Variants in TOM1L2 observed in about 807,000 individuals in gnomAD.
The protein encoded by TOM1L2 is TOM1-like protein 2.
A neutral mutation model predicts 67.9 loss-of-function variants in TOM1L2; 31 were observed. The observed-to-expected ratio is 0.46, with a 90% CI of 0.34 to 0.62. TOM1L2 has a LOEUF of 0.62. Ranked by LOEUF, TOM1L2 falls within the 20% of genes least tolerant of loss-of-function variation. The probability of loss-of-function intolerance (pLI) is 0.01; values close to 1 mark genes in which losing one functional copy is unlikely to be tolerated. For missense variants in TOM1L2, 606 were observed against 663.5 expected (o/e 0.91, Z 0.95); for synonymous variants, 256 against 254.0 (o/e 1.01, Z -0.07).
intron 1 of TOM1L2, among the ~76,000 whole-genome samples, chr17:17,914,045 T>C (rs910705499): frequency 3.3e-5 from 5 of 152,354 alleles, no homozygotes; most frequent in Middle Eastern, 3.4e-3. Flanking sequence ...CAGGCAAAGC[T>C]GCTTCCATCA....
intron 5 of TOM1L2, among the ~76,000 whole-genome samples, chr17:17,884,360 C>T (rs1254285475): frequency 4.6e-5 from 7 of 152,186 alleles, no homozygotes; most frequent in African/African-American, 1.7e-4. Context: ...ATGACCCTCA[C>T]AGGATGGCTC....
chr17:17,916,772 C>T (rs979620376), intron 1 of TOM1L2, among the ~76,000 whole-genome samples: 3 of 152,094 alleles, frequency 2.0e-5, no homozygotes, highest in Admixed American at 6.5e-5. Context: ...CCTGTAATCC[C>T]GATACTTTGG....
At chr17:17,948,679 G>C (rs2041056734) in intron 1 of TOM1L2, among the ~76,000 whole-genome samples, 1 of 151,994 alleles carries the variant, frequency 6.6e-6, no homozygotes, top group Non-Finnish European at 1.5e-5. Context: ...CTTTCTTAGA[G>C]TGAAAGCAGC....
At chr17:17,904,012 T>TTATTA (rs2038977479) in intron 2 of TOM1L2, among the ~76,000 whole-genome samples, 1 of 143,618 alleles carries the variant, frequency 7.0e-6, no homozygotes, top group African/African-American at 2.9e-5. Context: ...TATTATTATT[T>TTATTA]TTAAGATATG....
At chr17:17,866,822 G>T (rs371153984) in intron 9 of TOM1L2, 54 bp downstream of exon 9, 1 of 1,532,128 alleles carries the variant, frequency 6.5e-7, no homozygotes, top group Non-Finnish European at 9.0e-7. Flanking sequence ...CCTCCAAAAC[G>T]TGGAGGGGTA....
At chr17:17,883,898 G>A (rs1336313131) in intron 5 of TOM1L2, among the ~76,000 whole-genome samples, 5 of 152,192 alleles carry the variant, frequency 3.3e-5, no homozygotes, top group East Asian at 1.9e-4. Flanking sequence ...ACTGGGATGA[G>A]GTGCCTCTCC....
chr17:17,849,000 A>G, intron 13 of TOM1L2, 141 bp from the exon 14 acceptor site: 1 of 687,360 alleles, frequency 1.5e-6, no homozygotes, highest in Non-Finnish European at 2.5e-6. Flanking sequence ...CCCTGTTTCC[A>G]GATTTCTGTA....
At chr17:17,929,319 G>A (rs183954004) in intron 1 of TOM1L2, among the ~76,000 whole-genome samples, 1 of 152,316 alleles carries the variant, frequency 6.6e-6, no homozygotes, top group East Asian at 1.9e-4. Flanking sequence ...CTTTGGGTGG[G>A]TGAGAGGGGT....
chr17:17,875,590 CAG>C (rs2037384151), intron 7 of TOM1L2, among the ~76,000 whole-genome samples: 1 of 152,252 alleles, frequency 6.6e-6, no homozygotes, highest in African/African-American at 2.4e-5. Flanking sequence ...TGGTCCTCAA[CAG>C]AGGGAAGAAC....
chr17:17,955,325 C>CTTTTTTTTTT (rs67575563), intron 1 of TOM1L2, among the ~76,000 whole-genome samples: 47 of 108,140 alleles, frequency 4.3e-4, no homozygotes, highest in Admixed American at 5.6e-4. Context: ...CACACAATTC[C>CTTTTTTTTTT]TTTTTTTTTT....
intron 1 of TOM1L2, among the ~76,000 whole-genome samples, chr17:17,956,061 G>T (rs1374297771): frequency 1.3e-5 from 2 of 152,220 alleles, no homozygotes; most frequent in South Asian, 2.1e-4. Context: ...GGAGTAAGCA[G>T]CAACATTTGT....
chr17:17,919,618 A>G (rs540839507), intron 1 of TOM1L2, among the ~76,000 whole-genome samples: 87 of 152,244 alleles, frequency 5.7e-4, no homozygotes, highest in Admixed American at 7.2e-4. Context: ...ATAAGTCCAC[A>G]TTTCCTGGAC....
intron 1 of TOM1L2, among the ~76,000 whole-genome samples, chr17:17,920,335 ATTTTTTTTTTTT>A (rs771122365): frequency 1.1e-5 from 1 of 93,252 alleles, no homozygotes; most frequent in Non-Finnish European, 2.0e-5. Context: ...AATGTTCAAT[ATTTTTTTTTTTT>A]TTTTTTTTTT....
intron 1 of TOM1L2, among the ~76,000 whole-genome samples, chr17:17,923,215 T>G (rs2039949629): frequency 6.6e-6 from 1 of 152,028 alleles, no homozygotes; most frequent in African/African-American, 2.4e-5. Flanking sequence ...CTGGCCAACT[T>G]GATGAAATCC....
chr17:17,966,445 C>T (rs1309304478), intron 1 of TOM1L2, among the ~76,000 whole-genome samples: 1 of 152,188 alleles, frequency 6.6e-6, no homozygotes, highest in African/African-American at 2.4e-5. Context: ...AAAGCAAGAA[C>T]TACAGTTCTC....
chr17:17,866,266 T>A (rs1237986021), intron 10 of TOM1L2, 30 bp downstream of exon 10: 2 of 1,599,726 alleles, frequency 1.3e-6, no homozygotes, highest in East Asian at 2.2e-5. Context: ...AGGAAGTAGG[T>A]AGGCCCTTTT....
intron 6 of TOM1L2, 137 bp from the exon 7 acceptor site, chr17:17,879,880 C>T: frequency 1.3e-6 from 1 of 747,438 alleles, no homozygotes; most frequent in Non-Finnish European, 2.4e-6. Context: ...TGAGTGCACA[C>T]TGCAGAGGCC....
chr17:17,849,987 C>A (rs1433288697), intron 13 of TOM1L2, among the ~76,000 whole-genome samples: 1 of 152,216 alleles, frequency 6.6e-6, no homozygotes, highest in Admixed American at 6.5e-5. Context: ...CAACCTGAGG[C>A]CTGCTGTCCT....
intron 1 of TOM1L2, among the ~76,000 whole-genome samples, chr17:17,951,352 T>C (rs1568365121): frequency 6.6e-6 from 1 of 152,196 alleles, no homozygotes; most frequent in South Asian, 2.1e-4. Flanking sequence ...TTAAAGAATA[T>C]ACAAAATGCC....
Sources: allele counts gnomAD v4.1 joint callset (sites outside exome capture counted in the v4.1 genomes callset), GRCh38; gene constraint gnomAD v4.1.1; transcripts MANE v1.5; gene names NCBI Gene and HGNC (gene_info 2026-07-23, HGNC 2026-07-21).